The following MAST2 variants were observed in gnomAD, a reference collection of about 807,000 sequenced individuals.
The protein encoded by MAST2 is microtubule associated serine/threonine kinase 2.
Under a neutral mutation model 147.4 loss-of-function variants are expected in MAST2, and 70 were observed. The observed-to-expected ratio is 0.47, with a 90% confidence interval of 0.39 to 0.58. MAST2 has a LOEUF of 0.58. Ranked by LOEUF, MAST2 falls within the 20% of genes least tolerant of loss-of-function variation. The pLI, the probability that MAST2 is intolerant of heterozygous loss-of-function variation, is 0.00. For synonymous variants in MAST2, 869 were observed against 896.8 expected, an observed-to-expected ratio of 0.97 and a Z score of 0.55; for missense variants, 2,080 against 2,302.3, an observed-to-expected ratio of 0.90 and a Z score of 1.98.
intron 4 of MAST2, among the ~76,000 whole-genome samples, chr1:45,943,986 A>C (rs976067656): frequency 2.0e-5 from 3 of 152,154 alleles, no homozygotes; most frequent in African/African-American, 7.2e-5. Flanking sequence ...GCTCTGTAAT[A>C]GAGAAGTCTC....
At chr1:45,954,744 T>G (rs78918308) in intron 4 of MAST2, among the ~76,000 whole-genome samples, 10 of 152,278 alleles carry the variant, frequency 6.6e-5, no homozygotes, top group African/African-American at 1.9e-4. Flanking sequence ...GTGTCTGACC[T>G]TTTTTTCCCC....
chr1:45,981,358 C>T (rs1429392209), intron 5 of MAST2, among the ~76,000 whole-genome samples: 1 of 151,460 alleles, frequency 6.6e-6, no homozygotes, highest in Non-Finnish European at 1.5e-5. Context: ...AGGTGTGAGC[C>T]ACTGTACCTG....
intron 4 of MAST2, among the ~76,000 whole-genome samples, chr1:45,944,081 C>T (rs1570856078): frequency 3.3e-5 from 5 of 152,254 alleles, no homozygotes; most frequent in Admixed American, 3.3e-4. Flanking sequence ...TCAGACAAGA[C>T]CTCTTTTCTA....
chr1:45,835,893 C>T lies in MAST2; in HGVS notation c.468+6312C>T, dbSNP rs77261243. The stretch of plus-strand genomic sequence containing the variant: ...TTGTGCCTGGCTTTTTTCACTTAGC[C>T]CAATGCTTTCAAGATTTTTCTGCAT... On this transcript the variant is annotated intron_variant, in intron 3 of 28. Coordinates refer to ENST00000361297, the MANE Select transcript of MAST2 (RefSeq NM_015112.3). Among the ~76,000 whole-genome samples, 447 of 152,178 alleles carry T rather than the reference C, an allele frequency of 2.9e-3. 3 individuals carry two copies. The highest frequency in any genetic ancestry group is 0.021 in the East Asian group (107 of 5,186).
chr1:45,970,518 A>G (rs1643872999), intron 5 of MAST2, among the ~76,000 whole-genome samples: 1 of 151,904 alleles, frequency 6.6e-6, no homozygotes, highest in African/African-American at 2.4e-5. Context: ...CAAAAAAAAA[A>G]TTAGCTGGGT....
chr1:45,806,444 C>T (rs895873567), intron 1 of MAST2, among the ~76,000 whole-genome samples: 1 of 152,150 alleles, frequency 6.6e-6, no homozygotes, highest in African/African-American at 2.4e-5. Context: ...CTGTCACCCA[C>T]GCTGGAGTGT....
intron 5 of MAST2, among the ~76,000 whole-genome samples, chr1:45,975,139 A>G (rs1644083474): frequency 6.6e-6 from 1 of 152,142 alleles, no homozygotes; most frequent in Non-Finnish European, 1.5e-5. Context: ...CTGCCAAGGA[A>G]GCTGCATCCA....
At position 46,029,718 on chromosome 1, in the gene MAST2, T is replaced by A. The variant is rs868539309; in HGVS notation, c.2321-113T>A. ...TCTGTAGGCAGAAAAGGGAAGATGC[T>A]TGAGCTGATCCCCTAGGTATAGCTT... On this transcript the variant is annotated intron_variant, in intron 19 of 28. Transcript: ENST00000361297. 1.1e-5 allele frequency: 16 copies of A among 1,434,400 alleles called. 1 individual carries two copies. In the South Asian group the frequency reaches 2.1e-4, roughly 19 times the overall value. 88.9% of individuals were successfully genotyped at this position (1,434,400 alleles called of 1,614,324 possible).
chr1:45,969,786 A>C (rs1280954956), intron 5 of MAST2, among the ~76,000 whole-genome samples: 1 of 152,132 alleles, frequency 6.6e-6, no homozygotes, highest in Non-Finnish European at 1.5e-5. Flanking sequence ...AATGTGCTTG[A>C]ATTATCCTGT....
At chr1:45,882,836 G>A (rs1195499856) in intron 4 of MAST2, among the ~76,000 whole-genome samples, 1 of 152,200 alleles carries the variant, frequency 6.6e-6, no homozygotes, top group Non-Finnish European at 1.5e-5. Context: ...TGGAGACTAT[G>A]TTGAATGGAA....
chr1:45,881,130 A>G (rs940545392), intron 3 of MAST2, among the ~76,000 whole-genome samples: 3 of 152,216 alleles, frequency 2.0e-5, no homozygotes, highest in Non-Finnish European at 4.4e-5. Flanking sequence ...CAGTAGTTCA[A>G]CATCCAAGAA....
At chr1:45,812,410 G>A (rs1039047981) in intron 1 of MAST2, among the ~76,000 whole-genome samples, 36 of 147,544 alleles carry the variant, frequency 2.4e-4, no homozygotes, top group Admixed American at 8.2e-4. Context: ...TTGGCCTAAA[G>A]ATCAATCTGT....
At chr1:45,995,095 C>T (rs1039839786) in intron 5 of MAST2, among the ~76,000 whole-genome samples, 3 of 152,174 alleles carry the variant, frequency 2.0e-5, no homozygotes, top group African/African-American at 7.2e-5. Flanking sequence ...CCACCTCAGC[C>T]TCCCAAAGTG....
intron 4 of MAST2, among the ~76,000 whole-genome samples, chr1:45,922,960 G>A (rs1653768845): frequency 6.6e-6 from 1 of 152,198 alleles, no homozygotes; most frequent in Admixed American, 6.5e-5. Flanking sequence ...GCTCCATGGG[G>A]CTGGTGAACA....
At chr1:45,939,980 G>GTTTTTTTTTTTTGTTTTTTTTGTT (rs1557937798) in intron 4 of MAST2, among the ~76,000 whole-genome samples, 1 of 97,284 alleles carries the variant, frequency 1.0e-5, no homozygotes, top group African/African-American at 3.9e-5. Context: ...TTTATTTAGG[G>GTTTTTTTTTTTTGTTTTTTTTGTT]TTTTTTTTTT....
At chr1:45,838,470 G>A (rs999888837) in intron 3 of MAST2, among the ~76,000 whole-genome samples, 5 of 151,724 alleles carry the variant, frequency 3.3e-5, no homozygotes, top group Non-Finnish European at 5.9e-5. Flanking sequence ...TGATCCACCC[G>A]CCTAGGCTTT....
rs200941634 is a variant in MAST2 at position 45,913,921 on chromosome 1, G to GA, written c.500+31534dup. 582 of 1,163,322 alleles carry GA rather than the reference G, an allele frequency of 5.0e-4. 4 individuals carry two copies. In the African/African-American group the frequency reaches 6.6e-3, roughly 13 times the overall value. 72.1% of individuals were successfully genotyped at this position (1,163,322 alleles called of 1,614,324 possible). A position where few individuals can be genotyped will look rare whatever the true frequency, so the allele number is the denominator to read the frequency against. ...CTCTATGGAAACTGGCAGATGTCAG[G>GA]AAAAAAAACTAATGCCAACTAACAC... On this transcript the variant is annotated intron_variant, in intron 4 of 28. Coordinates refer to ENST00000361297, the MANE Select transcript of MAST2 (RefSeq NM_015112.3).
intron 5 of MAST2, among the ~76,000 whole-genome samples, chr1:45,973,721 C>T (rs1412038629): frequency 6.6e-6 from 1 of 152,098 alleles, no homozygotes; most frequent in Non-Finnish European, 1.5e-5. Context: ...AAGAGGAAAA[C>T]TTAGAATATA....
At chr1:46,019,510 C>A in intron 10 of MAST2, 86 bp from the exon 11 acceptor site, 2 of 1,033,192 alleles carry the variant, frequency 1.9e-6, no homozygotes, top group East Asian at 2.4e-5. Flanking sequence ...AATTGTTTCT[C>A]CCTGGAGTCA....
Sources: gnomAD v4.1 joint callset for allele counts (sites outside exome capture counted in the v4.1 genomes callset) on GRCh38, gnomAD v4.1.1 for gene constraint, MANE v1.5 for transcripts, NCBI Gene and HGNC (gene_info 2026-07-23, HGNC 2026-07-21) for gene names.